TNRC6A: variants seen among roughly 807,000 people sequenced by gnomAD.
TNRC6A encodes the protein trinucleotide repeat containing adaptor 6A, also known as trinucleotide repeat-containing gene 6A protein.
In TNRC6A, 44 loss-of-function variants were observed where a neutral mutation model predicts 221.2. The ratio of observed to expected loss-of-function variants is 0.20; its 90% CI spans 0.16 to 0.26. The LOEUF (loss-of-function observed/expected upper bound fraction) is 0.26, where lower values mean the gene tolerates loss of function less well. Ranked by LOEUF, TNRC6A falls within the 10% of genes least tolerant of loss-of-function variation. TNRC6A has a pLI of 1.00. For synonymous variants in TNRC6A, 847 were observed against 838.5 expected, an observed-to-expected ratio of 1.01 and a Z score of -0.18; for missense variants, 2,199 against 2,404.4, an observed-to-expected ratio of 0.91 and a Z score of 1.79.
intron 2 of TNRC6A, among the ~76,000 whole-genome samples, chr16:24,722,340 G>C (rs2056423517): frequency 6.6e-6 from 1 of 152,130 alleles, no homozygotes; most frequent in Non-Finnish European, 1.5e-5. Flanking sequence ...GTTGAGCCCA[G>C]GAGTTTGAGG....
chr16:24,759,930 A>G (rs953554058), intron 4 of TNRC6A, among the ~76,000 whole-genome samples: 1 of 152,124 alleles, frequency 6.6e-6, no homozygotes, highest in Non-Finnish European at 1.5e-5. Context: ...AATGTTACCA[A>G]ATTAATTTTC....
Position 24,791,047 on chromosome 16 carries a change from G to A in TNRC6A, c.2405G>A (p.Gly802Glu), listed in dbSNP as rs542620759. 1.3e-6 allele frequency: 2 copies of A among 1,596,044 alleles called. No individual in the cohort carries two copies. Among genetic ancestry groups the A allele is most frequent in the South Asian group, 1.2e-5 (1 of 86,942 alleles). Reference sequence around the variant, plus strand: ...GATTCCAAAGGCTCAAACTGCCAGGGGGGGTGGGAAGATGATTCTGCTGCT... The same window carrying A: ...GATTCCAAAGGCTCAAACTGCCAGGAGGGGTGGGAAGATGATTCTGCTGCT... ...WGDSKGSNCQ[G>E]GWEDDSAATG... Residue 802 changes from glycine (G) to glutamate (E), a missense_variant, in exon 6 of 25, where the codon GGG becomes GAG. Physicochemically the swap from Gly to Glu is moderately conservative, Grantham distance 98. Coordinates refer to ENST00000395799, the MANE Select transcript of TNRC6A (RefSeq NM_014494.4).
intron 2 of TNRC6A, among the ~76,000 whole-genome samples, chr16:24,688,098 A>AT (rs1168082788): frequency 1.1e-3 from 161 of 141,616 alleles, no homozygotes; most frequent in Middle Eastern, 3.8e-3. Context: ...ATGCCCTGCT[A>AT]ATTTTTTTTT....
At chr16:24,662,120 C>T (rs990155625) in intron 2 of TNRC6A, 1 of 151,838 alleles carries the variant, frequency 6.6e-6, no homozygotes, top group African/African-American at 2.4e-5. Flanking sequence ...ATAGAAATTC[C>T]ACGTATAAAA....
At chr16:24,683,388 G>A (rs1370654668) in intron 2 of TNRC6A, among the ~76,000 whole-genome samples, 1 of 152,096 alleles carries the variant, frequency 6.6e-6, no homozygotes, top group Non-Finnish European at 1.5e-5. Flanking sequence ...TGTAGAGACG[G>A]AGTCTTGCTA....
At chr16:24,749,197 C>G (rs1003186040) in intron 2 of TNRC6A, among the ~76,000 whole-genome samples, 19 of 152,142 alleles carry the variant, frequency 1.2e-4, no homozygotes, top group Non-Finnish European at 2.5e-4. Flanking sequence ...CTACAGGTAG[C>G]CGGAGTGAGT....
chr16:24,620,585 A>C (rs1290112024), intron 1 of TNRC6A, among the ~76,000 whole-genome samples: 2 of 152,176 alleles, frequency 1.3e-5, no homozygotes, highest in African/African-American at 4.8e-5. Context: ...ACGCGGGCAG[A>C]TTACCTGAAA....
chr16:24,629,023 T>G (rs1443201864), intron 1 of TNRC6A, among the ~76,000 whole-genome samples: 1 of 152,228 alleles, frequency 6.6e-6, no homozygotes, highest in Non-Finnish European at 1.5e-5. Context: ...TTAACTAACA[T>G]GCAATTTATT....
intron 1 of TNRC6A, among the ~76,000 whole-genome samples, chr16:24,639,392 C>A (rs1054308281): frequency 6.6e-6 from 1 of 152,058 alleles, no homozygotes; most frequent in Non-Finnish European, 1.5e-5. Flanking sequence ...ACTTAGGAAG[C>A]TGACGTAGGA....
At chr16:24,686,746 G>A (rs2055633861) in intron 2 of TNRC6A, among the ~76,000 whole-genome samples, 2 of 152,200 alleles carry the variant, frequency 1.3e-5, no homozygotes, top group Non-Finnish European at 2.9e-5. Context: ...TGCCGCGACA[G>A]AGGCCTCTGC....
rs148426730 is a variant in TNRC6A at position 24,815,278 on chromosome 16, G to A, written c.4804G>A (p.Gly1602Ser). The A allele has an allele frequency of 4.3e-4, 693 of 1,614,190 alleles. No individual in the cohort carries two copies. The highest frequency in any genetic ancestry group is 5.7e-4 in the Non-Finnish European group (669 of 1,180,026). Residue 1602 changes from glycine to serine, a missense_variant, in exon 19 of 25, where the codon GGC (glycine) becomes AGC (serine). Physicochemically the swap from Gly to Ser is moderately conservative, Grantham distance 56. This residue lies in a region of TNRC6A where 449 missense variants were observed against 579.7 expected (regional missense o/e 0.77). Coordinates refer to ENST00000395799, the MANE Select transcript of TNRC6A (RefSeq NM_014494.4). ...DGWPRAKSPN[G>S]SSSVNWPPEF... The stretch of plus-strand genomic sequence containing the variant: ...CTGGCCACGTGCCAAATCGCCTAAC[G>A]GCTCTAGCAGTGTTAATTGGCCACC...
chr16:24,812,650 C>T (rs536436712), intron 18 of TNRC6A, among the ~76,000 whole-genome samples: 13 of 152,212 alleles, frequency 8.5e-5, no homozygotes, highest in African/African-American at 3.1e-4. Flanking sequence ...AGGTTTGTAG[C>T]CTAGGAGCAG....
At chr16:24,706,784 C>T (rs572902127) in intron 2 of TNRC6A, among the ~76,000 whole-genome samples, 135 of 149,274 alleles carry the variant, frequency 9.0e-4, no homozygotes, top group Non-Finnish European at 1.7e-3. Flanking sequence ...GACCCAAATA[C>T]ATTTGAGAAG....
At chr16:24,729,973 G>A in intron 1 of TNRC6A, 127 bp downstream of exon 1, 11 of 898,402 alleles carry the variant, frequency 1.2e-5, no homozygotes, top group Non-Finnish European at 1.5e-5. Context: ...GCCTCGGCGG[G>A]AGGGCGCAGG....
At chr16:24,727,067 T>C (rs560096504), upstream of TNRC6A, among the ~76,000 whole-genome samples, 1 of 151,708 alleles carries the variant, frequency 6.6e-6, no homozygotes, top group East Asian at 1.9e-4. Context: ...TTCACTGTTG[T>C]TGCCCAGGCT....
chr16:24,800,336 A>G (rs1297534772), intron 11 of TNRC6A, among the ~76,000 whole-genome samples: 1 of 152,208 alleles, frequency 6.6e-6, no homozygotes, highest in Non-Finnish European at 1.5e-5. Context: ...GTTGTCTCCC[A>G]ACTTGCTTTG....
chr16:24,643,990 A>C (rs919525836), intron 2 of TNRC6A, among the ~76,000 whole-genome samples: 2 of 151,984 alleles, frequency 1.3e-5, no homozygotes, highest in Non-Finnish European at 2.9e-5. Context: ...ATCACAGTAC[A>C]TAATTCTCCC....
At chr16:24,783,451 A>G (rs2057897308) in intron 5 of TNRC6A, among the ~76,000 whole-genome samples, 1 of 152,088 alleles carries the variant, frequency 6.6e-6, no homozygotes, top group Non-Finnish European at 1.5e-5. Flanking sequence ...TTATGTCGCT[A>G]GAATTATCAC....
At chr16:24,659,745 A>G (rs1246850979) in intron 2 of TNRC6A, among the ~76,000 whole-genome samples, 2 of 152,208 alleles carry the variant, frequency 1.3e-5, no homozygotes, top group Non-Finnish European at 2.9e-5. Context: ...ACCCAGCCCT[A>G]TCTTTCTTGT....
Sources: gnomAD v4.1 joint callset for allele counts (sites outside exome capture counted in the v4.1 genomes callset) on GRCh38, gnomAD v4.1.1 for gene constraint, gnomAD v4.1.1 regional missense constraint, MANE v1.5 for transcripts, NCBI Gene and HGNC (gene_info 2026-07-23, HGNC 2026-07-21) for gene names.